Variants in GULP1 observed in about 807,000 individuals in gnomAD.
The protein encoded by GULP1 is GULP PTB domain containing engulfment adaptor 1.
Under a neutral mutation model 40.9 loss-of-function variants are expected in GULP1, and 19 were observed. That is an observed-to-expected ratio of 0.46 (90% CI 0.32 to 0.68). The LOEUF (loss-of-function observed/expected upper bound fraction) is 0.68. Among genes scored for constraint, GULP1 ranks in the 30% least tolerant of loss-of-function variants. The pLI, the probability that GULP1 is intolerant of heterozygous loss-of-function variation, is 0.03. For missense variants in GULP1, 312 were observed against 362.2 expected, an observed-to-expected ratio of 0.86 and a Z score of 1.12; for synonymous variants, 119 against 117.6, an observed-to-expected ratio of 1.01 and a Z score of -0.08.
chr2:188,585,468 C>T (rs780366096), intron 10 of GULP1, among the ~76,000 whole-genome samples: 1 of 152,214 alleles, frequency 6.6e-6, no homozygotes, highest in African/African-American at 2.4e-5. Context: ...TCTGCCTGAA[C>T]ATTCAGGCGT....
At chr2:188,387,247 TAAAG>T (rs1014468910) in intron 2 of GULP1, among the ~76,000 whole-genome samples, 32 of 151,628 alleles carry the variant, frequency 2.1e-4, no homozygotes, top group African/African-American at 7.5e-4. Flanking sequence ...AAAAAAAAAA[TAAAG>T]AAAAGTGTAT....
At chr2:188,381,608 A>T (rs909813581) in intron 1 of GULP1, among the ~76,000 whole-genome samples, 2 of 152,272 alleles carry the variant, frequency 1.3e-5, no homozygotes, top group South Asian at 4.1e-4. Flanking sequence ...ATTTCTCTCT[A>T]ATTTCTGTTC....
intron 1 of GULP1, among the ~76,000 whole-genome samples, chr2:188,300,851 G>T (rs1392147782): frequency 6.6e-6 from 1 of 152,094 alleles, no homozygotes; most frequent in Non-Finnish European, 1.5e-5. Flanking sequence ...TAATAGTTTT[G>T]TACTTGAAAA....
chr2:188,370,067 C>G (rs1225755830), intron 1 of GULP1, among the ~76,000 whole-genome samples: 1 of 152,068 alleles, frequency 6.6e-6, no homozygotes, highest in Non-Finnish European at 1.5e-5. Flanking sequence ...GCTGCTGTTG[C>G]TTTGCTTAGG....
At chr2:188,579,310 C>T (rs1700801160) in intron 9 of GULP1, among the ~76,000 whole-genome samples, 1 of 152,082 alleles carries the variant, frequency 6.6e-6, no homozygotes, top group South Asian at 2.1e-4. Context: ...TATGTGGGCC[C>T]ACTTTCTAGA....
At chr2:188,566,794 C>CAAA (rs11350294) in intron 7 of GULP1, among the ~76,000 whole-genome samples, 14 of 26,910 alleles carry the variant, frequency 5.2e-4, no homozygotes, top group African/African-American at 1.2e-3. Flanking sequence ...GACTCCATCT[C>CAAA]AAAAAAAAAA....
chr2:188,486,742 A>C (rs575093451), intron 4 of GULP1, among the ~76,000 whole-genome samples: 1 of 151,996 alleles, frequency 6.6e-6, no homozygotes, highest in Admixed American at 6.6e-5. Flanking sequence ...AGGGTTCATT[A>C]GTTTTGGAGT....
chr2:188,414,893 TG>T (rs2054383054), intron 2 of GULP1, among the ~76,000 whole-genome samples: 1 of 152,190 alleles, frequency 6.6e-6, no homozygotes, highest in African/African-American at 2.4e-5. Context: ...AATTATAAGA[TG>T]GGATTTTAAC....
intron 7 of GULP1, among the ~76,000 whole-genome samples, chr2:188,553,597 A>T (rs1694050000): frequency 6.6e-6 from 1 of 151,954 alleles, no homozygotes; most frequent in African/African-American, 2.4e-5. Flanking sequence ...GTTCATCAGG[A>T]ATATTGACCA....
At chr2:188,448,335 A>G (rs1206105152) in intron 2 of GULP1, among the ~76,000 whole-genome samples, 2 of 152,188 alleles carry the variant, frequency 1.3e-5, no homozygotes, top group African/African-American at 2.4e-5. Context: ...TTGTTCTCCC[A>G]TATTATCCCA....
At chr2:188,585,215 C>T (rs138314371) in intron 10 of GULP1, among the ~76,000 whole-genome samples, 1 of 152,318 alleles carries the variant, frequency 6.6e-6, no homozygotes, top group African/African-American at 2.4e-5. Context: ...AGCTCCACCT[C>T]TGTGGCTCTG....
intron 10 of GULP1, among the ~76,000 whole-genome samples, chr2:188,585,466 A>G (rs143998420): frequency 1.8e-4 from 27 of 152,308 alleles, no homozygotes; most frequent in African/African-American, 6.5e-4. Flanking sequence ...CTTCTGCCTG[A>G]ACATTCAGGC....
At chr2:188,516,554 A>G (rs575454944) in intron 4 of GULP1, among the ~76,000 whole-genome samples, 2 of 151,900 alleles carry the variant, frequency 1.3e-5, no homozygotes, top group East Asian at 1.9e-4. Context: ...ATAGTGTTCT[A>G]TCCTTTAGTT....
At chr2:188,557,348 A>T (rs1695029644) in intron 7 of GULP1, among the ~76,000 whole-genome samples, 1 of 152,212 alleles carries the variant, frequency 6.6e-6, no homozygotes, top group Non-Finnish European at 1.5e-5. Context: ...TCCAACATAC[A>T]ATGGGAGTAC....
chr2:188,482,426 T>C (rs938030628), intron 3 of GULP1, among the ~76,000 whole-genome samples: 12 of 151,842 alleles, frequency 7.9e-5, no homozygotes, highest in African/African-American at 2.9e-4. Context: ...GTAAAATAAA[T>C]CTTTGATTTT....
At chr2:188,570,944 G>GC (rs1698900449) in intron 9 of GULP1, among the ~76,000 whole-genome samples, 1 of 152,088 alleles carries the variant, frequency 6.6e-6, no homozygotes, top group African/African-American at 2.4e-5. Flanking sequence ...GATCATTTGA[G>GC]CCCAGGGGTT....
intron 2 of GULP1, among the ~76,000 whole-genome samples, chr2:188,431,677 T>A (rs1192092511): frequency 6.6e-6 from 1 of 152,110 alleles, no homozygotes; most frequent in South Asian, 2.1e-4. Context: ...ATTCTGTTTT[T>A]ATGAATCTTA....
chr2:188,309,834 T>C (rs1260987236), intron 1 of GULP1, among the ~76,000 whole-genome samples: 1 of 152,204 alleles, frequency 6.6e-6, no homozygotes. Flanking sequence ...TTTCATTCAT[T>C]CAACATACTT....
chr2:188,591,207 C>G (rs185716314), intron 11 of GULP1: 1 of 152,056 alleles, frequency 6.6e-6, no homozygotes, highest in East Asian at 1.9e-4. Context: ...TCAAAGTAAA[C>G]ATATAAATCA....
Sources: allele counts gnomAD v4.1 joint callset (sites outside exome capture counted in the v4.1 genomes callset), GRCh38; gene constraint gnomAD v4.1.1; transcripts MANE v1.5; gene names NCBI Gene and HGNC (gene_info 2026-07-23, HGNC 2026-07-21).